ZNF700: variants seen among roughly 807,000 people sequenced by gnomAD.
The protein encoded by ZNF700 is zinc finger protein 700.
A neutral mutation model predicts 65.3 loss-of-function variants in ZNF700; 38 were observed. The observed-to-expected ratio is 0.58, with a 90% CI of 0.45 to 0.76. The LOEUF is 0.76. Ranked by LOEUF, ZNF700 falls within the 30% of genes least tolerant of loss-of-function variation. The pLI is 0.00. For missense variants in ZNF700, 857 were observed against 888.4 expected, an observed-to-expected ratio of 0.96 and a Z score of 0.45; for synonymous variants, 285 against 290.4, an observed-to-expected ratio of 0.98 and a Z score of 0.19.
intron 1 of ZNF700, among the ~76,000 whole-genome samples, chr19:11,931,060 A>G (rs1464862361): frequency 6.8e-6 from 1 of 147,648 alleles, no homozygotes; most frequent in African/African-American, 2.7e-5. Context: ...CCATTGGTCT[A>G]TCTTTCCATC....
intron 1 of ZNF700, among the ~76,000 whole-genome samples, chr19:11,942,675 A>G (rs985638569): frequency 2.6e-5 from 4 of 152,230 alleles, no homozygotes; most frequent in Non-Finnish European, 5.9e-5. Flanking sequence ...GGCTGCATGC[A>G]TCGGTAACAG....
At chr19:11,933,803 C>T (rs1306268824) in intron 1 of ZNF700, among the ~76,000 whole-genome samples, 1 of 144,906 alleles carries the variant, frequency 6.9e-6, no homozygotes, top group Non-Finnish European at 1.5e-5. Flanking sequence ...TGAGATGGCG[C>T]CACTGCACTC....
chr19:11,926,360 G>T (rs1327448731), intron 1 of ZNF700, among the ~76,000 whole-genome samples: 2 of 152,110 alleles, frequency 1.3e-5, no homozygotes, highest in Admixed American at 6.5e-5. Context: ...GGTCCTGTTG[G>T]CCAAGAGCCG....
chr19:11,950,273 A>T lies in ZNF700; in HGVS notation c.*20A>T. On this transcript the variant is annotated 3_prime_UTR_variant, in exon 4 of 4. Transcript: ENST00000254321. Reference sequence around the variant, plus strand: ...AGCTAGCCTGGTTCCTTTTATGGACATGAATAGACTCACACTGGAAGGAAG... The same window carrying T: ...AGCTAGCCTGGTTCCTTTTATGGACTTGAATAGACTCACACTGGAAGGAAG... The T allele has an allele frequency of 1.3e-6, 2 of 1,594,634 alleles. No homozygotes were observed.
At chr19:11,927,542 C>T (rs968198715) in intron 1 of ZNF700, among the ~76,000 whole-genome samples, 3 of 152,092 alleles carry the variant, frequency 2.0e-5, no homozygotes, top group African/African-American at 7.2e-5. Flanking sequence ...AACGTACTGT[C>T]TTTAAGTTTT....
Position 11,949,673 on chromosome 19 carries a change from C to T in ZNF700, c.1649C>T (p.Ser550Phe), listed in dbSNP as rs1193915848. The change falls in exon 4 of 4, where the codon TCC becomes TTC. Residue 550 changes from serine to phenylalanine, a missense_variant. By Grantham distance (155) the Ser-to-Phe change is radical (BLOSUM62 -2). Coordinates refer to ENST00000254321, the MANE Select transcript of ZNF700 (RefSeq NM_144566.3). ...QCGKAFRCCN[S>F]LRYHERTHTG... Reference sequence around the variant, plus strand: ...GGTAAAGCCTTCAGATGTTGCAATTCCCTTCGATATCATGAAAGGACTCAC... The same window carrying T: ...GGTAAAGCCTTCAGATGTTGCAATTTCCTTCGATATCATGAAAGGACTCAC... The T allele has an allele frequency of 5.6e-6, 9 of 1,612,082 alleles. No homozygotes were observed. The highest frequency in any genetic ancestry group is 6.8e-6 in the Non-Finnish European group (8 of 1,179,658).
At chr19:11,946,906 A>G in intron 1 of ZNF700, 1 of 447,102 alleles carries the variant, frequency 2.2e-6, no homozygotes, top group Non-Finnish European at 3.5e-6. Flanking sequence ...AGGCTGAGGC[A>G]GGAGAATCGC....
At chr19:11,927,799 TTTC>T (rs574845677) in intron 1 of ZNF700, among the ~76,000 whole-genome samples, 1 of 152,178 alleles carries the variant, frequency 6.6e-6, no homozygotes, top group Non-Finnish European at 1.5e-5. Flanking sequence ...TTCAGGCTGT[TTTC>T]TTCATGGGAA....
chr19:11,950,340 C>T lies in ZNF700; in HGVS notation c.*87C>T. 1 of 1,385,098 alleles carries T rather than the reference C, an allele frequency of 7.2e-7. No individual in the cohort carries two copies. The highest frequency in any genetic ancestry group is 2.1e-5 in the Admixed American group (1 of 47,544). 85.8% of individuals were successfully genotyped at this position (1,385,098 alleles called of 1,614,324 possible). ...AATGTGGCAAAACTTTCACATTTTC[C>T]AGTTCTTTTCGATATCATGAAAGGA... On this transcript the variant is annotated 3_prime_UTR_variant, in exon 4 of 4. Coordinates refer to ENST00000254321, the MANE Select transcript of ZNF700 (RefSeq NM_144566.3).
chr19:11,946,715 C>G (rs565429061), intron 1 of ZNF700: 1 of 153,188 alleles, frequency 6.5e-6, no homozygotes, highest in Non-Finnish European at 1.5e-5. Context: ...GTTATAGTAA[C>G]TCCATAGTCT....
chr19:11,943,069 A>C (rs1241446050), intron 1 of ZNF700, among the ~76,000 whole-genome samples: 2 of 152,230 alleles, frequency 1.3e-5, no homozygotes. Context: ...TATTTGAAGG[A>C]GCACAGGTAG....
intron 1 of ZNF700, among the ~76,000 whole-genome samples, chr19:11,928,727 G>A (rs1406659447): frequency 3.4e-5 from 4 of 116,758 alleles, no homozygotes; most frequent in Non-Finnish European, 6.5e-5. Flanking sequence ...GCGAGACTCC[G>A]TCTCAAAAAA....
chr19:11,940,424 G>C (rs993119130), intron 1 of ZNF700, among the ~76,000 whole-genome samples: 1 of 152,076 alleles, frequency 6.6e-6, no homozygotes, highest in Admixed American at 6.6e-5. Flanking sequence ...TGGTGGGTTT[G>C]TGGTCTCGCT....
chr19:11,946,636 C>T (rs1033866688), intron 1 of ZNF700: 1 of 152,354 alleles, frequency 6.6e-6, no homozygotes, highest in African/African-American at 2.4e-5. Context: ...ATCCAGGCTT[C>T]CTTCTGATGG....
rs771267709 is a variant in ZNF700 at position 11,934,511 on chromosome 19, CT to C, written c.63+9245del. ...GCTGCCTCATTGTTTTCTTTTTTTT[CT>C]TTTTTTCTTTGTTTGTTTGTTTGTT... On this transcript the variant is annotated intron_variant, in intron 1 of 3. Coordinates refer to ENST00000254321, the MANE Select transcript of ZNF700 (RefSeq NM_144566.3). 8.0e-4 allele frequency among the ~76,000 whole-genome samples: 118 copies of C among 147,670 alleles called. 17 individuals carry two copies. The highest frequency in any genetic ancestry group is 2.8e-3 in the African/African-American group (105 of 37,756).
chr19:11,947,395 C>T, intron 2 of ZNF700, 88 bp downstream of exon 2: 11 of 1,604,668 alleles, frequency 6.9e-6, no homozygotes, highest in Non-Finnish European at 9.3e-6. Flanking sequence ...TGAACATAGA[C>T]AGGAAATACC....
chr19:11,940,471 G>A lies in ZNF700; in HGVS notation c.64-6710G>A, dbSNP rs573218117. ...GAAGCTGCAGACCTTCGTGGTGAGT[G>A]TTAACAGCTCTTAAGGCAGCGCGTC... On this transcript the variant is annotated intron_variant, in intron 1 of 3. Transcript: ENST00000254321. Among the ~76,000 whole-genome samples the A allele has an allele frequency of 1.6e-4, 25 of 152,146 alleles. No homozygotes were observed. In the East Asian group the frequency reaches 4.8e-3, roughly 29 times the overall value.
Position 11,942,372 on chromosome 19 carries a change from A to C in ZNF700, c.64-4809A>C, listed in dbSNP as rs113272967. Among the ~76,000 whole-genome samples, 487 of 152,036 alleles carry C rather than the reference A, an allele frequency of 3.2e-3. 3 individuals carry two copies. The highest frequency in any genetic ancestry group is 0.011 in the African/African-American group (457 of 41,438). The stretch of plus-strand genomic sequence containing the variant: ...TTAACTTTTTTCTGCCTATTAATTC[A>C]TAGGACTCCGTTATGACAGGTGCTA... On this transcript the variant is annotated intron_variant, in intron 1 of 3. Transcript: ENST00000254321.
intron 1 of ZNF700, among the ~76,000 whole-genome samples, chr19:11,926,315 C>T (rs1972626875): frequency 6.6e-6 from 1 of 152,182 alleles, no homozygotes; most frequent in African/African-American, 2.4e-5. Flanking sequence ...CCCATCCTGT[C>T]ATACAGAGGC....
Sources: gnomAD v4.1 joint callset for allele counts (sites outside exome capture counted in the v4.1 genomes callset) on GRCh38, gnomAD v4.1.1 for gene constraint, MANE v1.5 for transcripts, NCBI Gene and HGNC (gene_info 2026-07-23, HGNC 2026-07-21) for gene names.